RFPL4A: variants seen among roughly 807,000 people sequenced by gnomAD.
RFPL4A encodes ret finger protein-like 4A.
RFPL4A carries 4 observed loss-of-function variants against 8.3 expected under a neutral mutation model. The observed-to-expected ratio is 0.48, with a 90% CI of 0.24 to 1.10. The LOEUF is 1.10. RFPL4A is among the 50% of genes least tolerant of loss of function. RFPL4A has a pLI of 0.18. For synonymous variants in RFPL4A, 43 were observed against 136.6 expected (o/e 0.31, Z 4.78); for missense variants, 111 against 358.7 (o/e 0.31, Z 5.58).
At chr19:55,757,672 C>G (rs7260052), upstream of RFPL4A, among the ~76,000 whole-genome samples, 9,086 of 136,624 alleles carry the variant, frequency 0.067, 620 homozygotes, top group East Asian at 0.18. Context: ...GTATCTAACA[C>G]CCAAACCAAC....
upstream of RFPL4A, among the ~76,000 whole-genome samples, chr19:55,758,477 C>G (rs2122385669): frequency 1.3e-5 from 2 of 151,938 alleles, no homozygotes; most frequent in South Asian, 2.1e-4. Flanking sequence ...GGAAATGAAT[C>G]TCATTTTACT....
In RFPL4A at chr19:55,763,346, A is replaced by G. The variant is rs1225565778; in HGVS notation, c.*171A>G. Among the ~76,000 whole-genome samples, 1 of 149,710 alleles carries G rather than the reference A, an allele frequency of 6.7e-6. No homozygotes were observed. The highest frequency in any genetic ancestry group is 6.6e-5 in the Admixed American group (1 of 15,220). ...ATTAATGAGGGGAAAATTACATTGT[A>G]CTTAAAGTTTGTCATGTTGTTTTCT... is the stretch of plus-strand genomic sequence containing the variant. On this transcript the variant is annotated 3_prime_UTR_variant, in exon 3 of 3. Coordinates refer to ENST00000434937, the MANE Select transcript of RFPL4A (RefSeq NM_001145014.2).
In RFPL4A at chr19:55,761,134, G is replaced by A. The variant is rs187994977; in HGVS notation, c.-9-658G>A. Among the ~76,000 whole-genome samples, 7 of 129,248 alleles carry A rather than the reference G, an allele frequency of 5.4e-5. No homozygotes were observed. The East Asian group carries it at 1.0e-3, about 19-fold the overall frequency. The allele number at this position is 129,248 out of a possible 152,430, so 84.8% of individuals were successfully genotyped here. A position where few individuals can be genotyped will look rare whatever the true frequency, so the allele number is the denominator to read the frequency against. ...CAGAAGATTCAGTTTTACCTGGTAC[G>A]ACTTATTTGTATTTTGTGTCTTGTC... is the stretch of plus-strand genomic sequence containing the variant. On this transcript the variant is annotated intron_variant, in intron 1 of 2. Coordinates refer to ENST00000434937, the MANE Select transcript of RFPL4A (RefSeq NM_001145014.2).
upstream of RFPL4A, among the ~76,000 whole-genome samples, chr19:55,758,785 G>A (rs1372544921): frequency 8.4e-3 from 1,166 of 138,048 alleles, no homozygotes; most frequent in Middle Eastern, 0.016. Flanking sequence ...TTTGAAAGTC[G>A]CACCGTTCAT....
At chr19:55,757,682 C>T (rs565282024), upstream of RFPL4A, among the ~76,000 whole-genome samples, 7 of 152,212 alleles carry the variant, frequency 4.6e-5, no homozygotes, top group African/African-American at 1.7e-4. Flanking sequence ...CCCAAACCAA[C>T]CCCACCAGTG....
intron 1 of RFPL4A, among the ~76,000 whole-genome samples, chr19:55,759,790 A>G (rs1227284944): frequency 6.6e-6 from 1 of 151,440 alleles, no homozygotes; most frequent in Non-Finnish European, 1.5e-5. Context: ...CAGATTCCAC[A>G]TAACTGAGAT....
rs111544017 is a variant in RFPL4A at position 55,759,744 on chromosome 19, A to C, written c.-10+569A>C. The stretch of plus-strand genomic sequence containing the variant: ...CGCTCTGTCTGCCAGGCTGGAGTGC[A>C]GTGGCTATTTTCTGATTCTATGAGA... On this transcript the variant is annotated intron_variant, in intron 1 of 2. Transcript: ENST00000434937. 7.1e-3 allele frequency among the ~76,000 whole-genome samples: 1,072 copies of C among 150,846 alleles called. 8 individuals are homozygous for C. The highest frequency in any genetic ancestry group is 0.023 in the African/African-American group (931 of 40,872).
intron 1 of RFPL4A, among the ~76,000 whole-genome samples, chr19:55,760,130 T>C (rs546340537): frequency 1.3e-4 from 19 of 151,730 alleles, no homozygotes; most frequent in Non-Finnish European, 2.8e-4. Context: ...CTATTTTCTG[T>C]AGTGGTTGTA....
At position 55,761,166 on chromosome 19, in the gene RFPL4A, T is replaced by G. The variant is rs370571247; in HGVS notation, c.-9-626T>G. ...TTGTATTTTGTGTCTTGTCCTTTTG[T>G]TGCACTATCAGGGTTTTCACCACAT... On this transcript the variant is annotated intron_variant, in intron 1 of 2. Transcript: ENST00000434937. Among the ~76,000 whole-genome samples, 59 of 140,348 alleles carry G rather than the reference T, an allele frequency of 4.2e-4. 4 individuals are homozygous for G. The highest frequency in any genetic ancestry group is 3.1e-3 in the Admixed American group (44 of 14,254). The allele number at this position is 140,348 out of a possible 152,430, so 92.1% of individuals were successfully genotyped here.
intron 1 of RFPL4A, among the ~76,000 whole-genome samples, chr19:55,759,592 A>C (rs1194766389): frequency 1.3e-5 from 2 of 151,984 alleles, no homozygotes; most frequent in East Asian, 3.9e-4. Flanking sequence ...CAGAAAGAGA[A>C]AGGGAAGGAA....
intron 1 of RFPL4A, 117 bp from the exon 2 acceptor site, chr19:55,761,675 G>A: frequency 6.9e-7 from 1 of 1,458,338 alleles, no homozygotes; most frequent in Non-Finnish European, 9.2e-7. Context: ...TAGCAGTAGT[G>A]ATTTTAAGTG....
At chr19:55,759,364 G>T (rs3973373) in intron 1 of RFPL4A, among the ~76,000 whole-genome samples, 189 bp downstream of exon 1, 1 of 151,948 alleles carries the variant, frequency 6.6e-6, no homozygotes, top group Non-Finnish European at 1.5e-5. Context: ...ATACCAAGGC[G>T]AGAGACTTGA....
chr19:55,757,719 C>A (rs1274013335), upstream of RFPL4A, among the ~76,000 whole-genome samples: 2 of 152,102 alleles, frequency 1.3e-5, no homozygotes, highest in African/African-American at 4.8e-5. Flanking sequence ...ACGCTATTCT[C>A]TAATTCTGAA....
At chr19:55,759,463 G>T (rs2122388412) in intron 1 of RFPL4A, among the ~76,000 whole-genome samples, 1 of 151,744 alleles carries the variant, frequency 6.6e-6, no homozygotes, top group Admixed American at 6.5e-5. Flanking sequence ...CTCAACGTCA[G>T]GTTTTCCTAT....
At chr19:55,758,077 T>C (rs1989206928), upstream of RFPL4A, among the ~76,000 whole-genome samples, 1 of 152,236 alleles carries the variant, frequency 6.6e-6, no homozygotes, top group Non-Finnish European at 1.5e-5. Flanking sequence ...TGCATGCATA[T>C]GTGTAGATAC....
upstream of RFPL4A, among the ~76,000 whole-genome samples, chr19:55,757,577 T>C (rs10401389): frequency 0.34 from 50,731 of 149,956 alleles, 9,381 homozygotes; most frequent in African/African-American, 0.49. Context: ...TACATGAGAG[T>C]GGGCAAGGAA....
chr19:55,762,425 G>T (rs1989304675), intron 2 of RFPL4A, among the ~76,000 whole-genome samples, 173 bp from the exon 3 acceptor site: 1 of 151,622 alleles, frequency 6.6e-6, no homozygotes, highest in South Asian at 2.1e-4. Context: ...GCAACCTATA[G>T]ATACAATTTA....
Position 55,763,084 on chromosome 19 carries a change from G to C in RFPL4A, c.773G>C (p.Arg258Pro), listed in dbSNP as rs761691060. ...TGGCGTCCATTTTTTGCTCATAAAC[G>C]TGGAAGTCAAGATGATCAGAGCATC... ...EPWRPFFAHK[R>P]GSQDDQSILS... The change falls in exon 3 of 3, where the codon CGT (arginine) becomes CCT (proline). Residue 258 changes from arginine to proline, a missense_variant. By Grantham distance (103) the Arg-to-Pro change is moderately radical. Coordinates refer to ENST00000434937, the MANE Select transcript of RFPL4A (RefSeq NM_001145014.2). 22 of 1,550,764 alleles carry C rather than the reference G, an allele frequency of 1.4e-5. No homozygotes were observed. In the East Asian group the frequency reaches 4.4e-4, roughly 31 times the overall value.
At chr19:55,761,178 G>T (rs1258348333) in intron 1 of RFPL4A, among the ~76,000 whole-genome samples, 1 of 139,042 alleles carries the variant, frequency 7.2e-6, no homozygotes, top group East Asian at 2.0e-4. Flanking sequence ...GCACTATCAG[G>T]GTTTTCACCA....
Sources: allele counts gnomAD v4.1 joint callset (sites outside exome capture counted in the v4.1 genomes callset), GRCh38; gene constraint gnomAD v4.1.1; transcripts MANE v1.5; gene names NCBI Gene and HGNC (gene_info 2026-07-23, HGNC 2026-07-21).